CEP162: variants seen among roughly 807,000 people sequenced by gnomAD.
CEP162 encodes centrosomal protein of 162 kDa.
Under a neutral mutation model 169.2 loss-of-function variants are expected in CEP162, and 141 were observed. The observed-to-expected ratio is 0.83, with a 90% CI of 0.73 to 0.96. The LOEUF (loss-of-function observed/expected upper bound fraction) is 0.96. CEP162 is among the 40% of genes least tolerant of loss of function. The pLI is 0.00. For synonymous variants in CEP162, 540 were observed against 526.4 expected, an observed-to-expected ratio of 1.03 and a Z score of -0.35; for missense variants, 1,600 against 1,587.2, an observed-to-expected ratio of 1.01 and a Z score of -0.14.
At chr6:84,145,712 T>C (rs975998954) in intron 25 of CEP162, among the ~76,000 whole-genome samples, 3 of 152,134 alleles carry the variant, frequency 2.0e-5, no homozygotes, top group Admixed American at 6.6e-5. Flanking sequence ...GAAATCTTAA[T>C]AAGCTGAAGC....
intron 11 of CEP162, among the ~76,000 whole-genome samples, chr6:84,192,505 A>G (rs1019155903): frequency 1.3e-5 from 2 of 152,238 alleles, no homozygotes; most frequent in Non-Finnish European, 2.9e-5. Context: ...TACACTTAGC[A>G]TTGAAGTGAA....
chr6:84,136,566 G>A (rs1324657491), intron 25 of CEP162, among the ~76,000 whole-genome samples: 1 of 152,292 alleles, frequency 6.6e-6, no homozygotes, highest in East Asian at 1.9e-4. Flanking sequence ...GTTAGTGGGA[G>A]ACATTATAGG....
intron 6 of CEP162, among the ~76,000 whole-genome samples, chr6:84,208,128 C>T (rs1747640378): frequency 6.6e-6 from 1 of 151,274 alleles, no homozygotes; most frequent in Admixed American, 6.6e-5. Flanking sequence ...CTTATACAAC[C>T]TTTGCTGTTT....
rs1232389835 is a variant in CEP162, at chr6:84,169,367, C to A, written c.2346G>T (p.Gln782His). The change falls in exon 18 of 27, where the codon CAG (glutamine) becomes CAT (histidine). Residue 782 changes from glutamine (Q) to histidine (H), a missense_variant. By Grantham distance (24) the Gln-to-His change is conservative. Coordinates refer to ENST00000403245, the MANE Select transcript of CEP162 (RefSeq NM_014895.4). ...GTTCTGCTAACAGATCTGTAAAATT[C>A]TGATTTCTTGTGGGCTCTGAATCTT... ...VVEDSEPTRN[Q>H]NFTDLLAELR... The A allele has an allele frequency of 6.3e-7, 1 of 1,583,986 alleles. No individual in the cohort carries two copies. The highest frequency in any genetic ancestry group is 1.2e-5 in the South Asian group (1 of 85,042).
Position 84,195,388 on chromosome 6 carries a change from G to A in CEP162, c.836-313C>T, listed in dbSNP as rs544676770. Among the ~76,000 whole-genome samples, 92 of 152,164 alleles carry A rather than the reference G, an allele frequency of 6.0e-4. No homozygotes were observed. In the Middle Eastern group the frequency reaches 0.014, roughly 23 times the overall value. ...TCCCAAACTAAAAAATTCCTTTGAC[G>A]GATTCTACCTCTCCTTTACCATTAC... On this transcript the variant is annotated intron_variant, in intron 9 of 26. Transcript: ENST00000403245.
chr6:84,125,409 C>T (rs2099508522), intron 26 of CEP162, 133 bp from the exon 27 acceptor site: 5 of 713,622 alleles, frequency 7.0e-6, no homozygotes, highest in Non-Finnish European at 1.2e-5. Context: ...TGCGTGGATG[C>T]AACATTTTCT....
rs566681923 is a variant in CEP162, at chr6:84,160,686, A to G, written c.2781+126T>C. On this transcript the variant is annotated intron_variant, in intron 21 of 26. Transcript: ENST00000403245. Reference sequence around the variant, plus strand: ...TAAAATGATGTTATTACTTTTACTAATGTAAATACTTTAAAACAAAAATTT... The same window carrying G: ...TAAAATGATGTTATTACTTTTACTAGTGTAAATACTTTAAAACAAAAATTT... The G allele has an allele frequency of 2.3e-5, 14 of 615,908 alleles. No homozygotes were observed. In the South Asian group the frequency reaches 2.8e-4, roughly 12 times the overall value. 38.2% of individuals were successfully genotyped at this position (615,908 alleles called of 1,614,324 possible). A position where few individuals can be genotyped will look rare whatever the true frequency, so the allele number is the denominator to read the frequency against.
At chr6:84,219,146 T>C (rs1389336827) in intron 3 of CEP162, 5 of 1,288,434 alleles carry the variant, frequency 3.9e-6, no homozygotes, top group Admixed American at 4.6e-5. Flanking sequence ...AAGAGGAGTG[T>C]TGAATTCTCC....
chr6:84,212,548 A>T (rs1305702324), intron 6 of CEP162, among the ~76,000 whole-genome samples: 53 of 152,168 alleles, frequency 3.5e-4, no homozygotes, highest in Non-Finnish European at 2.9e-4. Context: ...AAGAATAGCT[A>T]AAAAGCCAAA....
At chr6:84,185,135 C>T in intron 13 of CEP162, 52 bp downstream of exon 13, 2 of 1,453,446 alleles carry the variant, frequency 1.4e-6, no homozygotes, top group South Asian at 2.6e-5. Flanking sequence ...AATTCTCTTC[C>T]ATGGAAGCAA....
chr6:84,129,912 T>C (rs1296955804), intron 25 of CEP162, among the ~76,000 whole-genome samples: 1 of 151,966 alleles, frequency 6.6e-6, no homozygotes, highest in Non-Finnish European at 1.5e-5. Flanking sequence ...TGAATAGGAG[T>C]GGTGAGAGAG....
chr6:84,187,274 G>A (rs1466511458), intron 11 of CEP162, among the ~76,000 whole-genome samples: 1 of 152,020 alleles, frequency 6.6e-6, no homozygotes, highest in Non-Finnish European at 1.5e-5. Context: ...GTTAAATATT[G>A]GCAAACTACA....
At chr6:84,222,631 G>A (rs927232692) in intron 2 of CEP162, among the ~76,000 whole-genome samples, 1 of 152,236 alleles carries the variant, frequency 6.6e-6, no homozygotes, top group Non-Finnish European at 1.5e-5. Flanking sequence ...GCTACTGTTA[G>A]TAAGTGTTAC....
chr6:84,209,279 T>C (rs2099548518), intron 6 of CEP162, among the ~76,000 whole-genome samples: 1 of 152,208 alleles, frequency 6.6e-6, no homozygotes, highest in Non-Finnish European at 1.5e-5. Flanking sequence ...AGAGTTAAAG[T>C]GTTCAGAACG....
rs368514133 is a variant in CEP162 at position 84,215,894 on chromosome 6, C to G, written c.201G>C (p.Leu67Phe). The change falls in exon 4 of 27, where the codon TTG becomes TTC. Residue 67 changes from leucine (L) to phenylalanine (F), a missense_variant. Coordinates refer to ENST00000403245, the MANE Select transcript of CEP162 (RefSeq NM_014895.4). ...CAGGCTGAGAAGTCTTCTTTGTTTTCAAATAGCTCACATTTGTTCCAAGAA... is the reference window on the plus strand; with the variant it reads ...CAGGCTGAGAAGTCTTCTTTGTTTTGAAATAGCTCACATTTGTTCCAAGAA... ...DGLLGTNVSY[L>F]KTKKTSQPVM... The G allele has an allele frequency of 4.1e-5, 64 of 1,573,440 alleles. No individual in the cohort carries two copies. The Middle Eastern group carries it at 5.0e-4, about 12-fold the overall frequency.
At chr6:84,172,524 A>G (rs1375744177) in intron 16 of CEP162, among the ~76,000 whole-genome samples, 1 of 152,186 alleles carries the variant, frequency 6.6e-6, no homozygotes, top group East Asian at 1.9e-4. Flanking sequence ...AAGAATTAAC[A>G]AACATTTCCC....
chr6:84,175,181 A>G (rs1481087580), intron 14 of CEP162, 33 bp downstream of exon 14: 1 of 1,382,848 alleles, frequency 7.2e-7, no homozygotes, highest in Non-Finnish European at 9.7e-7. Flanking sequence ...TTTAGAACAT[A>G]AAACATTATG....
chr6:84,186,290 C>T (rs201374926), intron 12 of CEP162, 42 bp downstream of exon 12: 35 of 1,116,238 alleles, frequency 3.1e-5, no homozygotes, highest in African/African-American at 2.5e-4. Context: ...TACATAACTT[C>T]GGTTCTCAAT....
At chr6:84,187,875 A>T (rs566306927) in intron 11 of CEP162, among the ~76,000 whole-genome samples, 1 of 152,334 alleles carries the variant, frequency 6.6e-6, no homozygotes, top group South Asian at 2.1e-4. Context: ...CAAAAAACTG[A>T]TGAGCTCAAC....
Sources: gnomAD v4.1 joint callset for allele counts (sites outside exome capture counted in the v4.1 genomes callset) on GRCh38, gnomAD v4.1.1 for gene constraint, MANE v1.5 for transcripts, NCBI Gene and HGNC (gene_info 2026-07-23, HGNC 2026-07-21) for gene names.